The following ZNF438 variants were observed in gnomAD, a reference collection of about 807,000 sequenced individuals.
The protein encoded by ZNF438 is zinc finger protein 438.
ZNF438 carries 25 observed loss-of-function variants against 38.0 expected under a neutral mutation model. The observed-to-expected ratio is 0.66, with a 90% CI of 0.48 to 0.92. The LOEUF (loss-of-function observed/expected upper bound fraction) is 0.92, where lower values mean the gene tolerates loss of function less well. ZNF438 is among the 40% of genes least tolerant of loss of function. The probability of loss-of-function intolerance (pLI) is 0.00; values close to 1 mark genes in which losing one functional copy is unlikely to be tolerated. For synonymous variants in ZNF438, 372 were observed against 364.1 expected, an observed-to-expected ratio of 1.02 and a Z score of -0.25; for missense variants, 1,007 against 999.6, an observed-to-expected ratio of 1.01 and a Z score of -0.10.
chr10:30,866,968 G>A (rs1329084909), intron 4 of ZNF438, among the ~76,000 whole-genome samples: 2 of 152,108 alleles, frequency 1.3e-5, no homozygotes, highest in Non-Finnish European at 2.9e-5. Flanking sequence ...TTAGTTTAAC[G>A]TTACATGCGT....
chr10:31,006,779 G>A (rs1163242217), intron 1 of ZNF438, among the ~76,000 whole-genome samples: 1 of 33,462 alleles, frequency 3.0e-5, no homozygotes, highest in African/African-American at 5.6e-5. Context: ...GGCGGGGGGC[G>A]GGGGGGGGAA....
intron 1 of ZNF438, among the ~76,000 whole-genome samples, chr10:30,999,048 A>G (rs1294675172): frequency 6.6e-6 from 1 of 152,188 alleles, no homozygotes; most frequent in Non-Finnish European, 1.5e-5. Context: ...TTTAACAGAA[A>G]TAACAAAAAA....
At chr10:30,938,648 T>C (rs2046505236) in intron 2 of ZNF438, among the ~76,000 whole-genome samples, 1 of 152,242 alleles carries the variant, frequency 6.6e-6, no homozygotes, top group Non-Finnish European at 1.5e-5. Flanking sequence ...GATATGATAT[T>C]CCATTCTGAT....
intron 2 of ZNF438, among the ~76,000 whole-genome samples, chr10:30,937,778 C>T (rs1319961929): frequency 6.6e-6 from 1 of 152,238 alleles, no homozygotes; most frequent in African/African-American, 2.4e-5. Flanking sequence ...CTAATTCAAG[C>T]TGTTTCTTAT....
chr10:30,994,051 G>T (rs1033431690), intron 1 of ZNF438, among the ~76,000 whole-genome samples: 1 of 152,216 alleles, frequency 6.6e-6, no homozygotes, highest in Non-Finnish European at 1.5e-5. Flanking sequence ...CTATATTTTG[G>T]AAGTAGGTAA....
chr10:31,000,951 T>C (rs1357869078), intron 1 of ZNF438, among the ~76,000 whole-genome samples: 2 of 152,166 alleles, frequency 1.3e-5, no homozygotes, highest in African/African-American at 2.4e-5. Context: ...TTTTCTCCTA[T>C]CCATCTTGCA....
At chr10:30,968,222 A>G (rs2050351066) in intron 1 of ZNF438, among the ~76,000 whole-genome samples, 1 of 152,086 alleles carries the variant, frequency 6.6e-6, no homozygotes, top group Non-Finnish European at 1.5e-5. Flanking sequence ...CATCCTAAGT[A>G]GGGAAACGTG....
intron 4 of ZNF438, among the ~76,000 whole-genome samples, chr10:30,868,452 C>T (rs889013471): frequency 1.4e-4 from 22 of 152,152 alleles, no homozygotes; most frequent in African/African-American, 4.8e-4. Context: ...AGTTGCTCTT[C>T]CTAATTAATA....
At chr10:30,876,371 C>A (rs573566875) in intron 4 of ZNF438, among the ~76,000 whole-genome samples, 146 of 152,142 alleles carry the variant, frequency 9.6e-4, no homozygotes, top group African/African-American at 3.3e-3. Flanking sequence ...TTAGAGTGTA[C>A]CCTTTATGGT....
chr10:30,989,476 C>T (rs933666288), intron 1 of ZNF438, among the ~76,000 whole-genome samples: 1 of 152,136 alleles, frequency 6.6e-6, no homozygotes, highest in Non-Finnish European at 1.5e-5. Context: ...ATACATAACC[C>T]AATAACCCTG....
At chr10:30,971,171 T>C (rs1328417530) in intron 1 of ZNF438, among the ~76,000 whole-genome samples, 2 of 152,232 alleles carry the variant, frequency 1.3e-5, no homozygotes, top group Non-Finnish European at 2.9e-5. Context: ...ATTTTATTCA[T>C]ATAAAATAAA....
In ZNF438 at chr10:31,021,437, T is replaced by C. The variant is rs1257419334; in HGVS notation, c.-192+10396A>G. Among the ~76,000 whole-genome samples, 5 of 152,222 alleles carry C rather than the reference T, an allele frequency of 3.3e-5. No homozygotes were observed. In the East Asian group the frequency reaches 9.6e-4, roughly 29 times the overall value. On this transcript the variant is annotated intron_variant, in intron 1 of 5. Transcript: ENST00000413025. ...GAAAAAGAAAAATATTCTAAATAAA[T>C]GTTAAACAACTGAAATATTGGGTTG... is the stretch of plus-strand genomic sequence containing the variant.
intron 2 of ZNF438, among the ~76,000 whole-genome samples, chr10:30,930,802 T>TAAA (rs2045573926): frequency 1.5e-4 from 1 of 6,670 alleles, no homozygotes; most frequent in African/African-American, 6.6e-4. Flanking sequence ...AGAAACTCAG[T>TAAA]CAAAAAAAAA....
At chr10:30,980,254 T>TAAAA (rs368647419) in intron 1 of ZNF438, among the ~76,000 whole-genome samples, 207 of 136,250 alleles carry the variant, frequency 1.5e-3, no homozygotes, top group South Asian at 2.6e-3. Context: ...TGTTTAACAT[T>TAAAA]AAAAAAAAAA....
intron 4 of ZNF438, among the ~76,000 whole-genome samples, chr10:30,852,500 G>T (rs1157602064): frequency 6.6e-6 from 1 of 152,124 alleles, no homozygotes; most frequent in African/African-American, 2.4e-5. Flanking sequence ...GAGCCACCGC[G>T]CCCGGCCCGT....
At chr10:31,004,938 C>T (rs944072100) in intron 1 of ZNF438, among the ~76,000 whole-genome samples, 1 of 152,144 alleles carries the variant, frequency 6.6e-6, no homozygotes, top group African/African-American at 2.4e-5. Flanking sequence ...GTGATTATTA[C>T]TTTAATAAGT....
intron 3 of ZNF438, among the ~76,000 whole-genome samples, chr10:30,884,991 T>C (rs2039762236): frequency 6.6e-6 from 1 of 152,222 alleles, no homozygotes; most frequent in Non-Finnish European, 1.5e-5. Flanking sequence ...TGCATGCTCT[T>C]GTATGTGTAT....
At chr10:30,896,252 C>T (rs369343655) in intron 3 of ZNF438, among the ~76,000 whole-genome samples, 348 of 148,130 alleles carry the variant, frequency 2.3e-3, no homozygotes, top group South Asian at 4.3e-3. Flanking sequence ...GCCGAGACCG[C>T]GCCACGGCAC....
At chr10:30,990,081 T>A (rs1434428123) in intron 1 of ZNF438, among the ~76,000 whole-genome samples, 3 of 152,120 alleles carry the variant, frequency 2.0e-5, no homozygotes, top group African/African-American at 7.2e-5. Context: ...TGAAATGAAT[T>A]AACTAATACG....
Sources: allele counts gnomAD v4.1 joint callset (sites outside exome capture counted in the v4.1 genomes callset), GRCh38; gene constraint gnomAD v4.1.1; transcripts MANE v1.5; gene names NCBI Gene and HGNC (gene_info 2026-07-23, HGNC 2026-07-21).